Variants in ASXL3 observed in about 807,000 individuals in gnomAD.
ASXL3 encodes the protein putative Polycomb group protein ASXL3.
Under a neutral mutation model 170.6 loss-of-function variants are expected in ASXL3, and 34 were observed. The observed-to-expected ratio is 0.20, with a 90% CI of 0.15 to 0.27. ASXL3 has a LOEUF of 0.27. Among genes scored for constraint, ASXL3 ranks in the 10% least tolerant of loss-of-function variants. The pLI is 1.00. For synonymous variants in ASXL3, 1,002 were observed against 989.1 expected (o/e 1.01, Z -0.24); for missense variants, 2,592 against 2,695.3 (o/e 0.96, Z 0.85).
intron 1 of ASXL3, among the ~76,000 whole-genome samples, chr18:33,588,877 A>G (rs1345580346): frequency 6.6e-6 from 1 of 151,956 alleles, no homozygotes; most frequent in African/African-American, 2.4e-5. Flanking sequence ...AGCCACCACC[A>G]TTTCCACATT....
Position 33,745,559 on chromosome 18 carries a change from G to T in ASXL3, c.5711G>T (p.Cys1904Phe). Reference sequence around the variant, plus strand: ...CAGCAAAAGCGGCTGCTCCCCTCGTGTAGCTTCCAGCAGAACCTATTTCAT... The same window carrying T: ...CAGCAAAAGCGGCTGCTCCCCTCGTTTAGCTTCCAGCAGAACCTATTTCAT... ...VKQQKRLLPS[C>F]SFQQNLFHVD... Residue 1904 changes from cysteine to phenylalanine, a missense_variant, in exon 12 of 12, where the codon TGT becomes TTT. Physicochemically the swap from Cys to Phe is radical, Grantham distance 205. Around this residue, in one of 4 missense-constraint regions of ASXL3, gnomAD observed 2,246 missense variants for 2,219.6 expected, o/e 1.01. Transcript: ENST00000269197. 6.2e-7 allele frequency: 1 copy of T among 1,614,002 alleles called. No individual in the cohort carries two copies. The highest frequency in any genetic ancestry group is 8.5e-7 in the Non-Finnish European group (1 of 1,179,892).
rs117402171 is a variant in ASXL3, at chr18:33,706,377, A to G, written c.879+22809A>G. 2.9e-3 allele frequency among the ~76,000 whole-genome samples: 444 copies of G among 151,870 alleles called. 2 individuals are homozygous for G. Among genetic ancestry groups the G allele is most frequent in the Admixed American group, 4.7e-3 (71 of 15,244 alleles). On this transcript the variant is annotated intron_variant, in intron 8 of 11. Transcript: ENST00000269197. ...TTTGAGATATATGACTACAAGTCTA[A>G]TTGTTGGGTCATAGAGTATGCATAG...
chr18:33,746,586 T>A lies in ASXL3; in HGVS notation c.6738T>A (p.Val2246=). 1 of 1,586,192 alleles carries A rather than the reference T, an allele frequency of 6.3e-7. No individual in the cohort carries two copies. Among genetic ancestry groups the A allele is most frequent in the Non-Finnish European group, 8.6e-7 (1 of 1,164,198 alleles). The change falls in exon 12 of 12, where the codon GTT becomes GTA. Residue 2246 remains valine, a synonymous_variant. Coordinates refer to ENST00000269197, the MANE Select transcript of ASXL3 (RefSeq NM_030632.3). ...GPSKLCVACL[V]VR ...CAAAACTTTGTGTAGCATGCCTGGT[T>A]GTACGATAAGAGCTGAGTGAAAGAT...
chr18:33,685,123 C>T lies in ASXL3; in HGVS notation c.879+1555C>T, dbSNP rs78530257. Among the ~76,000 whole-genome samples, 996 of 152,142 alleles carry T rather than the reference C, an allele frequency of 6.5e-3. 11 individuals are homozygous for T. The highest frequency in any genetic ancestry group is 0.023 in the African/African-American group (954 of 41,518). On this transcript the variant is annotated intron_variant, in intron 8 of 11. Coordinates refer to ENST00000269197, the MANE Select transcript of ASXL3 (RefSeq NM_030632.3). Reference sequence around the variant, plus strand: ...GAGCTGTGATGTAATAAGACCATTACTTTTTAAGGAAATTATTCTGACAGT... The same window carrying T: ...GAGCTGTGATGTAATAAGACCATTATTTTTTAAGGAAATTATTCTGACAGT...
At position 33,661,017 on chromosome 18, in the gene ASXL3, C is replaced by A. The variant is rs190773405; in HGVS notation, c.356-599C>A. 3.4e-4 allele frequency among the ~76,000 whole-genome samples: 51 copies of A among 152,224 alleles called. 1 individual carries two copies. The highest frequency in any genetic ancestry group is 3.4e-3 in the Middle Eastern group (1 of 294). On this transcript the variant is annotated intron_variant, in intron 4 of 11. Transcript: ENST00000269197. ...ACTCTGATAAAAATGAGCAGTTGTA[C>A]TGTAATCTGTGAGAACACCATTTTC...
intron 1 of ASXL3, among the ~76,000 whole-genome samples, chr18:33,597,816 CAAA>C (rs1190509744): frequency 8.1e-6 from 1 of 123,274 alleles, no homozygotes; most frequent in African/African-American, 3.2e-5. Flanking sequence ...ACAAAAAAAA[CAAA>C]AAACAAACAA....
intron 2 of ASXL3, chr18:33,641,794 C>T (rs1313872935): frequency 2.6e-5 from 4 of 152,348 alleles, no homozygotes; most frequent in South Asian, 2.1e-4. Context: ...ATCGGGATAT[C>T]GTGGTTTTTC....
chr18:33,664,694 T>TGC (rs1346663127), intron 5 of ASXL3, among the ~76,000 whole-genome samples: 1 of 152,180 alleles, frequency 6.6e-6, no homozygotes, highest in East Asian at 1.9e-4. Flanking sequence ...GGCCTGTACT[T>TGC]TCTACCCCTG....
At chr18:33,589,899 G>A (rs1568265257) in intron 1 of ASXL3, among the ~76,000 whole-genome samples, 1 of 152,034 alleles carries the variant, frequency 6.6e-6, no homozygotes, top group African/African-American at 2.4e-5. Flanking sequence ...GTAAGCTTAG[G>A]AGACATTTTA....
rs1008880883 is a variant in ASXL3 at position 33,738,655 on chromosome 18, T to C, written c.1251T>C (p.Gly417=). The change falls in exon 11 of 12, where the codon GGT becomes GGC. Residue 417 remains glycine (G), a synonymous_variant. Coordinates refer to ENST00000269197, the MANE Select transcript of ASXL3 (RefSeq NM_030632.3). ...SMKSPASPEP[G]FCATLCPMVE... ...AAAGCCCAGCTTCTCCAGAGCCTGGTTTCTGTGCTACTCTTTGCCCTATGG... is the reference window on the plus strand; with the variant it reads ...AAAGCCCAGCTTCTCCAGAGCCTGGCTTCTGTGCTACTCTTTGCCCTATGG... 1 of 1,613,934 alleles carries C rather than the reference T, an allele frequency of 6.2e-7. No homozygotes were observed.
chr18:33,707,258 C>T (rs2066975656), intron 8 of ASXL3, among the ~76,000 whole-genome samples: 1 of 151,626 alleles, frequency 6.6e-6, no homozygotes, highest in Non-Finnish European at 1.5e-5. Flanking sequence ...TTCCTAAAAG[C>T]ACAGGAATTT....
At position 33,746,402 on chromosome 18, in the gene ASXL3, C is replaced by A; in HGVS notation, c.6554C>A (p.Ala2185Asp). 1.2e-6 allele frequency: 2 copies of A among 1,613,880 alleles called. No individual in the cohort carries two copies. Among genetic ancestry groups the A allele is most frequent in the African/African-American group, 1.3e-5 (1 of 75,070 alleles). Residue 2185 changes from alanine to aspartate, a missense_variant, in exon 12 of 12, where the codon GCC becomes GAC. Around this residue, in one of 4 missense-constraint regions of ASXL3, gnomAD observed 2,246 missense variants for 2,219.6 expected, o/e 1.01. Transcript: ENST00000269197. ...IGILGSGSNPATGLSGQNAQM... is the reference protein window; with the variant it reads ...IGILGSGSNPDTGLSGQNAQM... ...ATTTTGGGAAGTGGCTCCAATCCTG[C>A]CACAGGCTTGTCTGGTCAGAACGCT...
chr18:33,588,661 C>T (rs1008590005), intron 1 of ASXL3, among the ~76,000 whole-genome samples: 12 of 152,096 alleles, frequency 7.9e-5, no homozygotes, highest in Admixed American at 7.9e-4. Flanking sequence ...TCAGGAGAAT[C>T]AAATTGGCAG....
At position 33,652,257 on chromosome 18, in the gene ASXL3, AAC is replaced by A. The variant is rs574525440; in HGVS notation, c.355+5908_355+5909del. The stretch of plus-strand genomic sequence containing the variant: ...TACATTGATATATCGTGAGTTTCCT[AAC>A]ACATATTAAGTTGACTCACAATGTG... On this transcript the variant is annotated intron_variant, in intron 4 of 11. Coordinates refer to ENST00000269197, the MANE Select transcript of ASXL3 (RefSeq NM_030632.3). 4.7e-4 allele frequency among the ~76,000 whole-genome samples: 72 copies of A among 152,148 alleles called. 1 individual carries two copies. The South Asian group carries it at 6.6e-3, about 14-fold the overall frequency.
intron 8 of ASXL3, among the ~76,000 whole-genome samples, chr18:33,704,689 A>G (rs2066929220): frequency 6.6e-6 from 1 of 152,076 alleles, no homozygotes; most frequent in Non-Finnish European, 1.5e-5. Context: ...AATGATATTT[A>G]GAATATGATT....
At chr18:33,580,826 A>G (rs2064985393) in intron 1 of ASXL3, among the ~76,000 whole-genome samples, 1 of 152,188 alleles carries the variant, frequency 6.6e-6, no homozygotes. Flanking sequence ...TAGTTATGGT[A>G]ATTTTTCAAT....
chr18:33,688,262 G>A (rs1163125124), intron 8 of ASXL3, among the ~76,000 whole-genome samples: 1 of 152,166 alleles, frequency 6.6e-6, no homozygotes, highest in African/African-American at 2.4e-5. Context: ...TTGTGGTAGA[G>A]GTCAGAGATA....
intron 2 of ASXL3, among the ~76,000 whole-genome samples, chr18:33,608,305 G>T (rs1314913292): frequency 6.6e-6 from 1 of 151,848 alleles, no homozygotes; most frequent in African/African-American, 2.4e-5. Flanking sequence ...CTTGCCTGTG[G>T]CAACTGCTAG....
intron 8 of ASXL3, among the ~76,000 whole-genome samples, chr18:33,692,127 C>T (rs1004010033): frequency 2.6e-5 from 4 of 152,154 alleles, no homozygotes; most frequent in African/African-American, 9.7e-5. Flanking sequence ...TACATTTTGT[C>T]TGTCAACACA....
Sources: allele counts gnomAD v4.1 joint callset (sites outside exome capture counted in the v4.1 genomes callset), GRCh38; gene constraint gnomAD v4.1.1; regional missense constraint gnomAD v4.1.1; transcripts MANE v1.5; gene names NCBI Gene and HGNC (gene_info 2026-07-23, HGNC 2026-07-21).